BPIFA1: variants seen among roughly 807,000 people sequenced by gnomAD.
BPIFA1 encodes the protein BPI fold-containing family A member 1.
In BPIFA1, 24 loss-of-function variants were observed where a neutral mutation model predicts 25.1. That is an observed-to-expected ratio of 0.96 (90% CI 0.69 to 1.35). The LOEUF (loss-of-function observed/expected upper bound fraction) is 1.35, where lower values mean the gene tolerates loss of function less well. Ranked by LOEUF, BPIFA1 falls within the 40% of genes most tolerant of loss-of-function variation. BPIFA1 has a pLI of 0.00. For missense variants in BPIFA1, 344 were observed against 303.7 expected (o/e 1.13, Z -0.99); for synonymous variants, 139 against 131.8 (o/e 1.05, Z -0.37).
Position 33,242,489 on chromosome 20 carries a change from A to T in BPIFA1, c.733A>T (p.Met245Leu). ...TTATTGCTTGTTTGTTTGTTTAGAC[A>T]TGCTGATCCACGGACTACAGTTTGT... ...DITLVHDIVN[M>L]LIHGLQFVIK... Residue 245 changes from methionine to leucine, a missense_variant and splice_region_variant, in exon 8 of 9, where the codon ATG (methionine) becomes TTG (leucine). Transcript: ENST00000354297. 2 of 1,614,134 alleles carry T rather than the reference A, an allele frequency of 1.2e-6. No individual in the cohort carries two copies.
In BPIFA1 at chr20:33,240,530, AGATGGATGGATG is replaced by A. The variant is rs10677320; in HGVS notation, c.581+184_581+195del. ...TGGATGGGAAGGAGGGAGCGTGGAA[AGATGGATGGATG>A]GATGGATGGATGGATGGATGGATGG... On this transcript the variant is annotated intron_variant, in intron 5 of 8. Coordinates refer to ENST00000354297, the MANE Select transcript of BPIFA1 (RefSeq NM_130852.3). 1,641 of 749,592 alleles carry A rather than the reference AGATGGATGGATG, an allele frequency of 2.2e-3. 20 individuals carry two copies. In the African/African-American group the frequency reaches 0.024, roughly 11 times the overall value. 46.4% of individuals were successfully genotyped at this position (749,592 alleles called of 1,614,324 possible). A position where few individuals can be genotyped will look rare whatever the true frequency, so the allele number is the denominator to read the frequency against.
At chr20:33,242,942 G>A (rs368229186) in intron 8 of BPIFA1, among the ~76,000 whole-genome samples, 165 bp from the exon 9 acceptor site, 2 of 152,064 alleles carry the variant, frequency 1.3e-5, no homozygotes, top group African/African-American at 4.8e-5. Context: ...ATAAGTACAC[G>A]TGGATACACA....
intron 5 of BPIFA1, 70 bp downstream of exon 5, chr20:33,240,455 G>A (rs1978908289): frequency 6.4e-7 from 1 of 1,572,016 alleles, no homozygotes; most frequent in South Asian, 1.2e-5. Flanking sequence ...TGATTGGAAA[G>A]CTGAGACAAT....
chr20:33,240,657 A>AGATG, intron 5 of BPIFA1, among the ~76,000 whole-genome samples: 1 of 146,230 alleles, frequency 6.8e-6, no homozygotes, highest in African/African-American at 2.8e-5. Flanking sequence ...ATAGATAGAT[A>AGATG]GATAGATAGA....
intron 1 of BPIFA1, among the ~76,000 whole-genome samples, chr20:33,236,419 G>A (rs963872666): frequency 6.6e-6 from 1 of 152,102 alleles, no homozygotes; most frequent in Non-Finnish European, 1.5e-5. Context: ...TTCATAAAGG[G>A]TCTGTTGCCC....
At chr20:33,242,988 G>C in intron 8 of BPIFA1, 119 bp from the exon 9 acceptor site, 1 of 178,316 alleles carries the variant, frequency 5.6e-6, no homozygotes, top group South Asian at 1.3e-4. Context: ...ACAGAGCCCT[G>C]ACTCCAGGCC....
Position 33,240,307 on chromosome 20 carries a change from A to G in BPIFA1, c.503A>G (p.Asp168Gly). The change falls in exon 5 of 9, where the codon GAT becomes GGT. Residue 168 changes from aspartate (D) to glycine (G), a missense_variant. Coordinates refer to ENST00000354297, the MANE Select transcript of BPIFA1 (RefSeq NM_130852.3). Reference protein sequence around the residue: ...DITAEILAVRDKQERIHLVLG... With the variant: ...DITAEILAVRGKQERIHLVLG... ...ACTGCAGAAATCTTAGCTGTGAGAG[A>G]TAAGCAGGAGAGGATCCACCTGGTC... 6.2e-7 allele frequency: 1 copy of G among 1,614,156 alleles called. No individual in the cohort carries two copies. Among genetic ancestry groups the G allele is most frequent in the Non-Finnish European group, 8.5e-7 (1 of 1,180,024 alleles).
At chr20:33,241,513 G>A in intron 6 of BPIFA1, 44 bp downstream of exon 6, 3 of 1,546,902 alleles carry the variant, frequency 1.9e-6, no homozygotes, top group Non-Finnish European at 2.7e-6. Context: ...AGGTTTTAGA[G>A]CTTCTTGCAC....
chr20:33,240,522 G>A (rs1978910946), intron 5 of BPIFA1, 137 bp downstream of exon 5: 1 of 1,147,930 alleles, frequency 8.7e-7, no homozygotes, highest in South Asian at 1.5e-5. Flanking sequence ...GAAGGAGGGA[G>A]CGTGGAAAGA....
At chr20:33,237,460 A>C (rs1384648181) in intron 1 of BPIFA1, among the ~76,000 whole-genome samples, 1 of 152,160 alleles carries the variant, frequency 6.6e-6, no homozygotes, top group Non-Finnish European at 1.5e-5. Context: ...AGTGGTCCTC[A>C]CCTGTGCAAT....
chr20:33,242,158 G>A (rs1251387162), intron 7 of BPIFA1, 39 bp downstream of exon 7: 2 of 1,602,466 alleles, frequency 1.2e-6, no homozygotes, highest in East Asian at 4.5e-5. Context: ...CCTCTCTGCA[G>A]GAGCAGCAAC....
Position 33,242,530 on chromosome 20 carries a change from C to A in BPIFA1, c.*3C>A, listed in dbSNP as rs757609021. 1 of 1,614,070 alleles carries A rather than the reference C, an allele frequency of 6.2e-7. No homozygotes were observed. Among genetic ancestry groups the A allele is most frequent in the East Asian group, 2.2e-5 (1 of 44,886 alleles). ...TACAGTTTGTCATCAAGGTCTAAGC[C>A]TTCCAGGAAGGGGCTGGCCTCTGCT... is the stretch of plus-strand genomic sequence containing the variant. On this transcript the variant is annotated 3_prime_UTR_variant, in exon 8 of 9. Coordinates refer to ENST00000354297, the MANE Select transcript of BPIFA1 (RefSeq NM_130852.3).
At position 33,239,971 on chromosome 20, in the gene BPIFA1, G is replaced by C; in HGVS notation, c.428+61G>C. The C allele has an allele frequency of 2.6e-6, 4 of 1,528,260 alleles. 1 individual carries two copies. The South Asian group carries it at 4.5e-5, about 17-fold the overall frequency. The allele number at this position is 1,528,260 out of a possible 1,614,324, so 94.7% of individuals were successfully genotyped here. ...CACCGAGGGAGACCCTGGTGACCAT[G>C]GTTAACCATAACGGGGGTATTGGAG... On this transcript the variant is annotated intron_variant, in intron 4 of 8. Transcript: ENST00000354297.
At chr20:33,238,749 G>C (rs1036964968) in intron 3 of BPIFA1, among the ~76,000 whole-genome samples, 5 of 152,180 alleles carry the variant, frequency 3.3e-5, no homozygotes, top group Non-Finnish European at 7.3e-5. Flanking sequence ...AAGGTCTAAC[G>C]TGGAGTTTCC....
intron 5 of BPIFA1, 60 bp downstream of exon 5, chr20:33,240,445 T>C (rs1320473530): frequency 6.3e-6 from 10 of 1,590,014 alleles, no homozygotes; most frequent in African/African-American, 1.3e-5. Flanking sequence ...GCCGGATGGA[T>C]GATTGGAAAG....
At chr20:33,238,251 G>T in intron 3 of BPIFA1, 37 bp downstream of exon 3, 1 of 1,577,918 alleles carries the variant, frequency 6.3e-7, no homozygotes. Context: ...ATCTCCACCA[G>T]GGAACCCCAG....
At chr20:33,238,728 A>G (rs1978816875) in intron 3 of BPIFA1, among the ~76,000 whole-genome samples, 3 of 152,180 alleles carry the variant, frequency 2.0e-5, no homozygotes, top group Admixed American at 2.0e-4. Context: ...AAACAGTGTG[A>G]TGTCCATGGA....
Position 33,238,065 on chromosome 20 carries a change from T to C in BPIFA1, c.171T>C (p.Asn57=), listed in dbSNP as rs773813670. Residue 57 remains asparagine (N), a synonymous_variant, in exon 3 of 9, where the codon AAT becomes AAC. Coordinates refer to ENST00000354297, the MANE Select transcript of BPIFA1 (RefSeq NM_130852.3). ...TACACCCATTTCCAGCCCTCAGCAA[T>C]GGCCTGCTGTCTGGGGGCCTGTTGG... The part of the protein sequence containing the change: ...LAGSLTNALS[N]GLLSGGLLGI... The C allele has an allele frequency of 2.0e-5, 33 of 1,613,282 alleles. No homozygotes were observed. Among genetic ancestry groups the C allele is most frequent in the Middle Eastern group, 1.7e-4 (1 of 6,036 alleles).
At chr20:33,241,552 C>T (rs779064578) in intron 6 of BPIFA1, 83 bp downstream of exon 6, 78 of 1,174,820 alleles carry the variant, frequency 6.6e-5, no homozygotes, top group Middle Eastern at 1.9e-4. Context: ...TAAGTGGGTC[C>T]GAGTCCCTCA....
Sources: allele counts gnomAD v4.1 joint callset (sites outside exome capture counted in the v4.1 genomes callset), GRCh38; gene constraint gnomAD v4.1.1; transcripts MANE v1.5; gene names NCBI Gene and HGNC (gene_info 2026-07-23, HGNC 2026-07-21).